RAP1GAP2: variants seen among roughly 807,000 people sequenced by gnomAD.
The protein encoded by RAP1GAP2 is rap1 GTPase-activating protein 2.
RAP1GAP2 carries 27 observed loss-of-function variants against 95.0 expected under a neutral mutation model. That is an observed-to-expected ratio of 0.28 (90% CI 0.21 to 0.39). The LOEUF (loss-of-function observed/expected upper bound fraction) is 0.39. Ranked by LOEUF, RAP1GAP2 falls within the 10% of genes least tolerant of loss-of-function variation. RAP1GAP2 has a pLI of 1.00. For synonymous variants in RAP1GAP2, 373 were observed against 380.9 expected (o/e 0.98, Z 0.24); for missense variants, 771 against 970.0 (o/e 0.79, Z 2.72).
intron 1 of RAP1GAP2, among the ~76,000 whole-genome samples, chr17:2,779,561 C>T (rs894284242): frequency 3.3e-5 from 5 of 152,130 alleles, no homozygotes; most frequent in Admixed American, 6.6e-5. Context: ...TTGGAGTCAG[C>T]GATGTCCTGC....
At chr17:2,868,072 T>G (rs1180272936) in intron 2 of RAP1GAP2, among the ~76,000 whole-genome samples, 3 of 152,334 alleles carry the variant, frequency 2.0e-5, no homozygotes, top group East Asian at 3.9e-4. Context: ...GGGTTGGCTC[T>G]CGGCTCTGGG....
intron 8 of RAP1GAP2, among the ~76,000 whole-genome samples, chr17:2,975,947 A>G (rs67360453): frequency 0.18 from 27,643 of 152,218 alleles, 3,115 homozygotes; most frequent in East Asian, 0.36. Context: ...TAGGTCCCCC[A>G]GAGGCCTTGG....
At chr17:2,773,967 A>G (rs934230824), upstream of RAP1GAP2, among the ~76,000 whole-genome samples, 2 of 152,140 alleles carry the variant, frequency 1.3e-5, no homozygotes, top group Non-Finnish European at 2.9e-5. Context: ...CATGTTGGCC[A>G]GGCTGGTCTC....
chr17:2,957,829 C>G lies in RAP1GAP2; in HGVS notation c.201+35C>G, dbSNP rs1267221233. 1.9e-6 allele frequency: 3 copies of G among 1,560,224 alleles called. No individual in the cohort carries two copies. In the African/African-American group the frequency reaches 4.1e-5, roughly 21 times the overall value. ...TACCCCCACCGTGGCGGGGAAGAAG[C>G]CCAGCCCCAGATGTGGGTGGCATAG... On this transcript the variant is annotated intron_variant, in intron 4 of 24. Transcript: ENST00000254695.
At chr17:2,848,830 A>T (rs1170115293) in intron 2 of RAP1GAP2, among the ~76,000 whole-genome samples, 1 of 152,100 alleles carries the variant, frequency 6.6e-6, no homozygotes, top group Non-Finnish European at 1.5e-5. Context: ...TCACTTTTCA[A>T]AAATAGAAAC....
intron 3 of RAP1GAP2, among the ~76,000 whole-genome samples, chr17:2,935,265 T>A (rs1444863746): frequency 6.6e-6 from 1 of 152,142 alleles, no homozygotes; most frequent in Non-Finnish European, 1.5e-5. Flanking sequence ...CCCAGCACTC[T>A]GGGAGGCCGC....
chr17:2,933,090 G>GAGCC (rs1226871677), intron 3 of RAP1GAP2, among the ~76,000 whole-genome samples: 1 of 152,240 alleles, frequency 6.6e-6, no homozygotes, highest in Non-Finnish European at 1.5e-5. Context: ...CCTCCTCCAT[G>GAGCC]AGCCAGCCAG....
At chr17:2,973,023 G>T (rs2044941126) in intron 8 of RAP1GAP2, among the ~76,000 whole-genome samples, 1 of 152,148 alleles carries the variant, frequency 6.6e-6, no homozygotes, top group Admixed American at 6.6e-5. Flanking sequence ...TGAGGCTGAT[G>T]GGAGACGTAG....
At chr17:2,845,826 A>C (rs2071562343) in intron 2 of RAP1GAP2, among the ~76,000 whole-genome samples, 1 of 151,248 alleles carries the variant, frequency 6.6e-6, no homozygotes. Context: ...GCACCACTAC[A>C]CTCTAACCTG....
chr17:2,896,746 T>C (rs1052004713), intron 2 of RAP1GAP2, among the ~76,000 whole-genome samples: 2 of 152,174 alleles, frequency 1.3e-5, no homozygotes, highest in African/African-American at 4.8e-5. Context: ...CCTCCTGCCC[T>C]TTTTCCTAGC....
chr17:2,889,889 A>ATATATATATATATATATATAT lies in RAP1GAP2; in HGVS notation c.81-15394_81-15393insATATATATATATATATATATT, dbSNP rs1408426152. ...TATATATATATATATATATATATATATTTTTTTTTTTTTTTGTAGAGATGG... is the reference window on the plus strand; with the variant it reads ...TATATATATATATATATATATATATATATATATATATATATATATATTTTTTTTTTTTTTTTGTAGAGATGG... On this transcript the variant is annotated intron_variant, in intron 2 of 24. Transcript: ENST00000254695. Among the ~76,000 whole-genome samples, 4 of 57,316 alleles carry ATATATATATATATATATATAT rather than the reference A, an allele frequency of 7.0e-5. 1 individual carries two copies. The highest frequency in any genetic ancestry group is 1.2e-4 in the Non-Finnish European group (4 of 32,546). 37.6% of individuals were successfully genotyped at this position (57,316 alleles called of 152,430 possible). A position where few individuals can be genotyped will look rare whatever the true frequency, so the allele number is the denominator to read the frequency against.
chr17:2,860,957 C>T (rs1173825280), intron 2 of RAP1GAP2, among the ~76,000 whole-genome samples: 9 of 152,078 alleles, frequency 5.9e-5, no homozygotes, highest in Non-Finnish European at 8.8e-5. Flanking sequence ...CCGGCCCACA[C>T]CCCCTGCCTG....
intron 2 of RAP1GAP2, among the ~76,000 whole-genome samples, chr17:2,823,195 T>C (rs181757749): frequency 5.6e-4 from 85 of 152,290 alleles, no homozygotes; most frequent in South Asian, 2.5e-3. Context: ...GAACCCAGGA[T>C]GTCCAGATGC....
chr17:2,769,136 G>A (rs1319530479), intron 1 of RAP1GAP2, among the ~76,000 whole-genome samples: 1 of 150,356 alleles, frequency 6.7e-6, no homozygotes, highest in Non-Finnish European at 1.5e-5. Flanking sequence ...AGATACCGAG[G>A]CGAGAGGATT....
intron 14 of RAP1GAP2, among the ~76,000 whole-genome samples, chr17:2,999,153 C>T (rs191059864): frequency 9.9e-4 from 151 of 152,318 alleles, no homozygotes; most frequent in African/African-American, 3.4e-3. Flanking sequence ...GACAGCGAGA[C>T]AGGGCAGCTC....
chr17:2,959,184 T>C lies in RAP1GAP2; in HGVS notation c.201+1390T>C, dbSNP rs909227556. ...TGCTCCTCAGATCCTCTCTTCCTTCTCCCCCAGCTGGAGTCCCCTTCCCAC... is the reference window on the plus strand; with the variant it reads ...TGCTCCTCAGATCCTCTCTTCCTTCCCCCCCAGCTGGAGTCCCCTTCCCAC... On this transcript the variant is annotated intron_variant, in intron 4 of 24. Coordinates refer to ENST00000254695, the MANE Select transcript of RAP1GAP2 (RefSeq NM_015085.5). Among the ~76,000 whole-genome samples the C allele has an allele frequency of 9.9e-5, 15 of 152,108 alleles. No homozygotes were observed. In the East Asian group the frequency reaches 2.9e-3, roughly 29 times the overall value.
Position 2,870,069 on chromosome 17 carries a change from AT to A in RAP1GAP2, c.81-35214del, listed in dbSNP as rs2072779868. 6.6e-6 allele frequency among the ~76,000 whole-genome samples: 1 copy of A among 151,102 alleles called. No homozygotes were observed. Among genetic ancestry groups the A allele is most frequent in the African/African-American group, 2.4e-5 (1 of 41,106 alleles). On this transcript the variant is annotated intron_variant, in intron 2 of 24. Coordinates refer to ENST00000254695, the MANE Select transcript of RAP1GAP2 (RefSeq NM_015085.5). This position sits in a 1 kb window ranked among gnomAD's most constrained non-coding sequence, Gnocchi z 4.4. ...AATCTGTATGGCCCCTGACCCCGGCATGGCCTCAGAACCTTCCTCAGAGTGC... is the reference window on the plus strand; with the variant it reads ...AATCTGTATGGCCCCTGACCCCGGCAGGCCTCAGAACCTTCCTCAGAGTGC...
At chr17:2,830,677 GC>G (rs2070790321) in intron 2 of RAP1GAP2, among the ~76,000 whole-genome samples, 1 of 152,094 alleles carries the variant, frequency 6.6e-6, no homozygotes, top group Non-Finnish European at 1.5e-5. Context: ...TCACACCACT[GC>G]ACTCCAGCCT....
At chr17:2,772,928 A>T (rs887212742), upstream of RAP1GAP2, among the ~76,000 whole-genome samples, 37 of 139,916 alleles carry the variant, frequency 2.6e-4, no homozygotes, top group Non-Finnish European at 5.4e-4. Flanking sequence ...GCACAATCTC[A>T]GCTCACTGCA....
Sources: gnomAD v4.1 joint callset for allele counts (sites outside exome capture counted in the v4.1 genomes callset) on GRCh38, gnomAD v4.1.1 for gene constraint, Gnocchi (gnomAD v3.1) non-coding constraint, MANE v1.5 for transcripts, NCBI Gene and HGNC (gene_info 2026-07-23, HGNC 2026-07-21) for gene names.